PLPP4: variants seen among roughly 807,000 people sequenced by gnomAD.
The protein encoded by PLPP4 is diacylglycerol pyrophosphate like 2.
PLPP4 carries 20 observed loss-of-function variants against 32.2 expected under a neutral mutation model. The ratio of observed to expected loss-of-function variants is 0.62; its 90% CI spans 0.44 to 0.90. PLPP4 has a LOEUF of 0.90. Ranked by LOEUF, PLPP4 falls within the 40% of genes least tolerant of loss-of-function variation. The pLI, the probability that PLPP4 is intolerant of heterozygous loss-of-function variation, is 0.00. For missense variants in PLPP4, 257 were observed against 353.1 expected (o/e 0.73, Z 2.18); for synonymous variants, 127 against 133.0 (o/e 0.95, Z 0.31).
At chr10:120,457,412 G>T in intron 1 of PLPP4, 51 bp downstream of exon 1, 2 of 1,487,234 alleles carry the variant, frequency 1.3e-6, no homozygotes, top group South Asian at 2.5e-5. Context: ...GGGAACAACC[G>T]ACCAAGCCTC....
In PLPP4 at chr10:120,550,602, T is replaced by C. The variant is rs144211422; in HGVS notation, c.446-24529T>C. ...AATAGATCAATAAAACAGAATAGAG[T>C]CAAGAAATTGACCCACACCTTTCAA... On this transcript the variant is annotated intron_variant, in intron 5 of 6. Coordinates refer to ENST00000398250, the MANE Select transcript of PLPP4 (RefSeq NM_001030059.3). Among the ~76,000 whole-genome samples, 695 of 151,510 alleles carry C rather than the reference T, an allele frequency of 4.6e-3. 10 individuals carry two copies. The highest frequency in any genetic ancestry group is 0.016 in the African/African-American group (653 of 41,352).
At chr10:120,581,435 G>A (rs115340569) in intron 6 of PLPP4, 2 of 378,682 alleles carry the variant, frequency 5.3e-6, no homozygotes, top group Admixed American at 1.3e-4. Context: ...TGTGCCTTTA[G>A]AGCCTGCGTT....
chr10:120,531,561 T>C (rs1168694716), intron 5 of PLPP4, among the ~76,000 whole-genome samples: 1 of 152,210 alleles, frequency 6.6e-6, no homozygotes, highest in Non-Finnish European at 1.5e-5. Flanking sequence ...ATGTTTTCTT[T>C]AAAACATTAT....
At chr10:120,585,148 G>C (rs1210967707) in intron 6 of PLPP4, among the ~76,000 whole-genome samples, 3 of 152,210 alleles carry the variant, frequency 2.0e-5, no homozygotes, top group Admixed American at 6.5e-5. Flanking sequence ...CCTGGGGTTA[G>C]AGGAAAAACA....
At chr10:120,463,965 A>G (rs1848197013) in intron 1 of PLPP4, among the ~76,000 whole-genome samples, 1 of 152,156 alleles carries the variant, frequency 6.6e-6, no homozygotes, top group East Asian at 1.9e-4. Context: ...TAGGTGTGCC[A>G]TCGCAGCCAG....
At chr10:120,466,995 G>A (rs1438484091) in intron 1 of PLPP4, among the ~76,000 whole-genome samples, 1 of 151,398 alleles carries the variant, frequency 6.6e-6, no homozygotes, top group East Asian at 1.9e-4. Context: ...AAAGAGCTGA[G>A]CCTTCAACTA....
intron 2 of PLPP4, 38 bp downstream of exon 2, chr10:120,503,964 C>T (rs376226361): frequency 1.4e-6 from 2 of 1,380,620 alleles, no homozygotes; most frequent in African/African-American, 1.4e-5. Flanking sequence ...TGACTGCTCT[C>T]TCAAAGATGA....
intron 1 of PLPP4, among the ~76,000 whole-genome samples, chr10:120,480,578 C>T (rs1283185247): frequency 1.3e-5 from 2 of 152,196 alleles, no homozygotes; most frequent in Non-Finnish European, 2.9e-5. Context: ...CACATGCAGT[C>T]GGCAGCTCAC....
At chr10:120,529,657 G>C (rs1846607335) in intron 5 of PLPP4, among the ~76,000 whole-genome samples, 2 of 152,140 alleles carry the variant, frequency 1.3e-5, no homozygotes, top group Non-Finnish European at 2.9e-5. Flanking sequence ...GACCAGCCTT[G>C]ACAACATAGT....
intron 5 of PLPP4, among the ~76,000 whole-genome samples, chr10:120,561,095 A>G (rs2134011593): frequency 6.6e-6 from 1 of 152,358 alleles, no homozygotes; most frequent in South Asian, 2.1e-4. Context: ...CCAGTTGACC[A>G]GCAGTCCTTT....
intron 1 of PLPP4, among the ~76,000 whole-genome samples, chr10:120,484,400 G>A (rs1048813084): frequency 9.9e-5 from 15 of 152,184 alleles, no homozygotes; most frequent in African/African-American, 3.6e-4. Context: ...TGTTTCTGGA[G>A]ATTAGGAAGT....
chr10:120,537,992 T>TTCTCTC (rs1158226991), intron 5 of PLPP4, among the ~76,000 whole-genome samples: 9 of 19,112 alleles, frequency 4.7e-4, no homozygotes, highest in African/African-American at 1.9e-3. Flanking sequence ...ACCAGGCCCT[T>TTCTCTC]TCTCTCTCTC....
At chr10:120,540,785 T>G (rs544793914) in intron 5 of PLPP4, among the ~76,000 whole-genome samples, 2 of 152,306 alleles carry the variant, frequency 1.3e-5, no homozygotes, top group African/African-American at 4.8e-5. Flanking sequence ...GTCTCTAGCA[T>G]AGAGAAATCT....
chr10:120,571,824 G>C (rs1181343629), intron 5 of PLPP4, among the ~76,000 whole-genome samples: 1 of 152,196 alleles, frequency 6.6e-6, no homozygotes, highest in Non-Finnish European at 1.5e-5. Context: ...CCATAGCTCA[G>C]ACATGCCCTT....
intron 1 of PLPP4, among the ~76,000 whole-genome samples, chr10:120,481,895 G>A (rs1246924247): frequency 6.6e-6 from 1 of 152,196 alleles, no homozygotes; most frequent in African/African-American, 2.4e-5. Context: ...TCTCATGATA[G>A]TGAATAAGTC....
Position 120,586,187 on chromosome 10 carries a change from C to T in PLPP4, c.617-3116C>T, listed in dbSNP as rs563803124. 2.9e-4 allele frequency among the ~76,000 whole-genome samples: 43 copies of T among 148,492 alleles called. No homozygotes were observed. The East Asian group carries it at 4.1e-3, about 14-fold the overall frequency. ...ACTTGCTCTGTTGCCTGGGCTGGAG[C>T]GCAGTGGTACGATCTTGGCTCACTG... On this transcript the variant is annotated intron_variant, in intron 6 of 6. Coordinates refer to ENST00000398250, the MANE Select transcript of PLPP4 (RefSeq NM_001030059.3).
intron 1 of PLPP4, 79 bp from the exon 2 acceptor site, chr10:120,503,739 A>G (rs1449810343): frequency 1.9e-6 from 3 of 1,589,290 alleles, no homozygotes; most frequent in East Asian, 2.3e-5. Flanking sequence ...CTGAGGGTGC[A>G]TAGAAGGGGG....
At chr10:120,575,874 A>C (rs1589916733) in intron 6 of PLPP4, among the ~76,000 whole-genome samples, 1 of 152,222 alleles carries the variant, frequency 6.6e-6, no homozygotes, top group Non-Finnish European at 1.5e-5. Flanking sequence ...TGTTCCTGAA[A>C]TATAACTAAA....
intron 5 of PLPP4, among the ~76,000 whole-genome samples, chr10:120,548,946 G>A (rs939772245): frequency 7.3e-5 from 11 of 151,710 alleles, no homozygotes; most frequent in African/African-American, 1.9e-4. Flanking sequence ...TTATAAATTC[G>A]TTTAAGTTCC....
Sources: gnomAD v4.1 joint callset for allele counts (sites outside exome capture counted in the v4.1 genomes callset) on GRCh38, gnomAD v4.1.1 for gene constraint, MANE v1.5 for transcripts, NCBI Gene and HGNC (gene_info 2026-07-23, HGNC 2026-07-21) for gene names.